ZSCAN25: variants seen among roughly 807,000 people sequenced by gnomAD.
The protein encoded by ZSCAN25 is zinc finger and SCAN domain-containing protein 25.
Under a neutral mutation model 38.7 loss-of-function variants are expected in ZSCAN25, and 27 were observed. The observed-to-expected ratio is 0.70, with a 90% CI of 0.51 to 0.96. The LOEUF is 0.96. Among genes scored for constraint, ZSCAN25 ranks in the 40% least tolerant of loss-of-function variants. ZSCAN25 has a pLI of 0.00. For missense variants in ZSCAN25, 637 were observed against 705.9 expected, an observed-to-expected ratio of 0.90 and a Z score of 1.11; for synonymous variants, 273 against 277.7, an observed-to-expected ratio of 0.98 and a Z score of 0.17.
chr7:99,620,576 C>CA (rs1304018052), intron 4 of ZSCAN25: 1 of 152,704 alleles, frequency 6.5e-6, no homozygotes, highest in Non-Finnish European at 1.5e-5. Flanking sequence ...CCGTCTTGCT[C>CA]ACAAGCCCCC....
At chr7:99,717,631 C>A in the ZSCAN25 span, 56 of 1,613,348 alleles carry the variant, frequency 3.5e-5, no homozygotes, top group South Asian at 5.6e-4. Flanking sequence ...ATCCCACTGG[C>A]CCGAAAGGCT....
chr7:99,620,148 G>C, intron 4 of ZSCAN25, 155 bp downstream of exon 4: 1 of 1,138,968 alleles, frequency 8.8e-7, no homozygotes, highest in Non-Finnish European at 1.2e-6. Flanking sequence ...GAGCAGTGGC[G>C]TTTTCAGCAA....
chr7:99,672,509 A>G, the ZSCAN25 span: 6 of 1,325,018 alleles, frequency 4.5e-6, no homozygotes, highest in Admixed American at 6.8e-5. Flanking sequence ...CTGTGAATAT[A>G]TGTTTTTTTC....
chr7:99,650,313 C>T, the ZSCAN25 span: 3 of 1,349,844 alleles, frequency 2.2e-6, no homozygotes, highest in Non-Finnish European at 3.1e-6. Flanking sequence ...TACTTAAGAA[C>T]AACCCCCCTC....
chr7:99,704,718 C>T, the ZSCAN25 span, among the ~76,000 whole-genome samples: 37 of 152,072 alleles, frequency 2.4e-4, no homozygotes, highest in Non-Finnish European at 5.1e-4. Context: ...AATCCCAGCA[C>T]TTTGGGAGGC....
the ZSCAN25 span, among the ~76,000 whole-genome samples, chr7:99,643,430 T>C: frequency 6.8e-5 from 10 of 147,964 alleles, no homozygotes; most frequent in African/African-American, 1.5e-4. Flanking sequence ...CTGCCCCCCC[T>C]TTTTTTTTCA....
chr7:99,630,451 T>G lies in ZSCAN25; in HGVS notation c.*431T>G. The G allele has an allele frequency of 1.0e-6, 1 of 1,002,312 alleles. No individual in the cohort carries two copies. The highest frequency in any genetic ancestry group is 1.2e-6 in the Non-Finnish European group (1 of 840,858). 62.1% of individuals were successfully genotyped at this position (1,002,312 alleles called of 1,614,324 possible). A position where few individuals can be genotyped will look rare whatever the true frequency, so the allele number is the denominator to read the frequency against. ...CTCTCTTTTCCATTGAACAAACATT[T>G]ATTGAACATCCTCTGAGCACCTGGC... On this transcript the variant is annotated 3_prime_UTR_variant, in exon 8 of 8. Transcript: ENST00000394152.
chr7:99,648,622 C>G, the ZSCAN25 span, among the ~76,000 whole-genome samples: 1 of 151,180 alleles, frequency 6.6e-6, no homozygotes, highest in Non-Finnish European at 1.5e-5. Context: ...TTATGGAGCA[C>G]TGACTCTGTG....
chr7:99,663,393 A>ACCTGCAGACATCCTTCGGCTGGCCT, the ZSCAN25 span: 2 of 991,352 alleles, frequency 2.0e-6, no homozygotes, highest in Non-Finnish European at 2.4e-6. Context: ...TGTCTCCCTG[A>ACCTGCAGACATCCTTCGGCTGGCCT]CCTGCAGACA....
chr7:99,718,861 A>G, the ZSCAN25 span, among the ~76,000 whole-genome samples: 1 of 152,216 alleles, frequency 6.6e-6, no homozygotes, highest in Non-Finnish European at 1.5e-5. Context: ...TGTACCAACA[A>G]TCAATATCTG....
the ZSCAN25 span, among the ~76,000 whole-genome samples, chr7:99,658,099 T>C: frequency 6.6e-6 from 1 of 152,202 alleles, no homozygotes; most frequent in African/African-American, 2.4e-5. Context: ...TTAATATTTT[T>C]ATATGTGAAT....
Position 99,630,060 on chromosome 7 carries a change from C to T in ZSCAN25, c.*40C>T. 1 of 1,476,880 alleles carries T rather than the reference C, an allele frequency of 6.8e-7. No individual in the cohort carries two copies. Among genetic ancestry groups the T allele is most frequent in the Non-Finnish European group, 9.0e-7 (1 of 1,112,376 alleles). 91.5% of individuals were successfully genotyped at this position (1,476,880 alleles called of 1,614,324 possible). On this transcript the variant is annotated 3_prime_UTR_variant, in exon 8 of 8. Transcript: ENST00000394152. ...AGGCAGCACCATCATTCATCTTTCT[C>T]ACTGCAGGGCCTTGCGGGGTGCAAG...
At chr7:99,737,698 A>G in the ZSCAN25 span, among the ~76,000 whole-genome samples, 1 of 152,314 alleles carries the variant, frequency 6.6e-6, no homozygotes, top group Non-Finnish European at 1.5e-5. Context: ...TTTTTATTCT[A>G]AGATGAAGAT....
chr7:99,700,053 A>G, the ZSCAN25 span: 29 of 1,568,828 alleles, frequency 1.8e-5, no homozygotes, highest in Middle Eastern at 1.7e-4. Flanking sequence ...GCCTTCTTCA[A>G]CTGTCTCCTC....
At chr7:99,696,079 C>T in the ZSCAN25 span, among the ~76,000 whole-genome samples, 1 of 152,134 alleles carries the variant, frequency 6.6e-6, no homozygotes, top group African/African-American at 2.4e-5. Flanking sequence ...CTTTATGGTC[C>T]CAATCCTGGA....
the ZSCAN25 span, among the ~76,000 whole-genome samples, chr7:99,675,635 TCCTCTCCTCCCCCCTCC>T: frequency 5.7e-5 from 1 of 17,694 alleles, no homozygotes; most frequent in Non-Finnish European, 1.3e-4. Context: ...TTCTCTCCTC[TCCTCTCCTCCCCCCTCC>T]CCTCCCCTCC....
chr7:99,646,673 G>T, the ZSCAN25 span, among the ~76,000 whole-genome samples: 1 of 152,078 alleles, frequency 6.6e-6, no homozygotes, highest in African/African-American at 2.4e-5. Flanking sequence ...TCTCTAACGA[G>T]CTCTGGTTCC....
At chr7:99,724,582 A>G in the ZSCAN25 span, among the ~76,000 whole-genome samples, 2 of 151,784 alleles carry the variant, frequency 1.3e-5, no homozygotes, top group East Asian at 3.9e-4. Flanking sequence ...GCTCCTCACC[A>G]GGCCAAGCCA....
the ZSCAN25 span, among the ~76,000 whole-genome samples, chr7:99,675,153 T>G: frequency 1.3e-5 from 2 of 152,214 alleles, no homozygotes; most frequent in African/African-American, 4.8e-5. Context: ...GTAGACTTCC[T>G]TTCCAGTTTT....
Sources: allele counts gnomAD v4.1 joint callset (sites outside exome capture counted in the v4.1 genomes callset), GRCh38; gene constraint gnomAD v4.1.1; transcripts MANE v1.5; gene names NCBI Gene and HGNC (gene_info 2026-07-23, HGNC 2026-07-21).